COG1: variants seen among roughly 807,000 people sequenced by gnomAD.
COG1 encodes the protein conserved oligomeric Golgi complex subunit 1.
COG1 carries 61 observed loss-of-function variants against 102.2 expected under a neutral mutation model. The observed-to-expected ratio is 0.60, with a 90% CI of 0.49 to 0.74. COG1 has a LOEUF of 0.74. Among genes scored for constraint, COG1 ranks in the 30% least tolerant of loss-of-function variants. The probability of loss-of-function intolerance (pLI) is 0.00; values close to 1 mark genes in which losing one functional copy is unlikely to be tolerated. For missense variants in COG1, 1,164 were observed against 1,232.1 expected (o/e 0.94, Z 0.83); for synonymous variants, 454 against 493.6 (o/e 0.92, Z 1.06).
Position 73,206,837 on chromosome 17 carries a change from T to C in COG1, c.2729+20T>C. The C allele has an allele frequency of 6.3e-7, 1 of 1,575,648 alleles. No individual in the cohort carries two copies. Among genetic ancestry groups the C allele is most frequent in the South Asian group, 1.1e-5 (1 of 90,254 alleles). On this transcript the variant is annotated intron_variant, in intron 12 of 13. Transcript: ENST00000299886. ...GATCAGGTAAAGGCTGCCAAGAGGC[T>C]TCTGCGGGGCACTTCGGGAGGCCAA...
chr17:73,196,889 C>A lies in COG1; in HGVS notation c.561-11C>A. 2 of 1,614,196 alleles carry A rather than the reference C, an allele frequency of 1.2e-6. No individual in the cohort carries two copies. The highest frequency in any genetic ancestry group is 1.7e-6 in the Non-Finnish European group (2 of 1,180,018). Reference sequence around the variant, plus strand: ...AAAACACCCTGGCGACTTCTGTCATCATTTTTCTAGGTCAACTATTCTGCA... The same window carrying A: ...AAAACACCCTGGCGACTTCTGTCATAATTTTTCTAGGTCAACTATTCTGCA... On this transcript the variant is annotated splice_polypyrimidine_tract_variant and intron_variant, in intron 2 of 13. Transcript: ENST00000299886.
At chr17:73,207,968 G>GGTTT in intron 13 of COG1, 1 of 1,240,160 alleles carries the variant, frequency 8.1e-7, no homozygotes, top group Admixed American at 3.6e-5. Context: ...AAACCATCCA[G>GGTTT]TCCCTAAGCA....
chr17:73,199,779 G>T, intron 4 of COG1, 86 bp from the exon 5 acceptor site: 1 of 1,531,548 alleles, frequency 6.5e-7, no homozygotes, highest in Non-Finnish European at 9.0e-7. Context: ...TCACTGTGTT[G>T]CCCAAGCTGG....
intron 5 of COG1, 121 bp from the exon 6 acceptor site, chr17:73,200,445 A>T: frequency 2.1e-6 from 2 of 961,990 alleles, no homozygotes; most frequent in Non-Finnish European, 3.4e-6. Context: ...ACTGAGACAC[A>T]TAGATATTTA....
At chr17:73,197,630 A>C (rs1568295508) in intron 4 of COG1, among the ~76,000 whole-genome samples, 1 of 152,196 alleles carries the variant, frequency 6.6e-6, no homozygotes, top group South Asian at 2.1e-4. Context: ...GGCTTAGTAC[A>C]AGTTGCCTTG....
chr17:73,201,242 C>T lies in COG1; in HGVS notation c.1415C>T (p.Ser472Leu), dbSNP rs372549949. The part of the protein sequence containing the change: ...NKHIHFEYNM[S>L]LFLWSESPND... ...CACATCCACTTTGAGTACAACATGT[C>T]GCTCTTCCTCTGGTCTGAGAGTCCT... is the stretch of plus-strand genomic sequence containing the variant. The change falls in exon 7 of 14, where the codon TCG (serine) becomes TTG (leucine). Residue 472 changes from serine (S) to leucine (L), a missense_variant. Transcript: ENST00000299886. 4.3e-6 allele frequency: 7 copies of T among 1,614,098 alleles called. No individual in the cohort carries two copies. The highest frequency in any genetic ancestry group is 1.7e-5 in the Admixed American group (1 of 60,002).
rs1293828396 is a variant in COG1 at position 73,196,757 on chromosome 17, T to C, written c.560+6T>C. On this transcript the variant is annotated splice_donor_region_variant and intron_variant, in intron 2 of 13. Coordinates refer to ENST00000299886, the MANE Select transcript of COG1 (RefSeq NM_018714.3). ...GCAGCCGCCAGCCACTTCCGGTAAG[T>C]GGATCCAGCGCAAAGAGCTGCTCTG... 1.2e-6 allele frequency: 2 copies of C among 1,614,032 alleles called. No individual in the cohort carries two copies. Among genetic ancestry groups the C allele is most frequent in the Non-Finnish European group, 1.7e-6 (2 of 1,180,036 alleles).
intron 13 of COG1, chr17:73,207,608 GGTT>G: frequency 1.0e-6 from 1 of 990,152 alleles, no homozygotes; most frequent in Non-Finnish European, 1.4e-6. Flanking sequence ...TGGTGATGAT[GGTT>G]TTATCTTCCC....
intron 13 of COG1, chr17:73,207,965 C>T: frequency 1.6e-6 from 2 of 1,236,838 alleles, no homozygotes; most frequent in Non-Finnish European, 2.0e-6. Context: ...CAAAAACCAT[C>T]CAGTCCCTAA....
Position 73,206,711 on chromosome 17 carries a change from C to CTGTT in COG1, c.2626_2629dup (p.Gly877ValfsTer25), listed in dbSNP as rs1568298983. ...TGCTCCACCTCTTGTCTGCCAGGTT[C>CTGTT]TGTTTGGATTGGTGACTGGTACAGA... On this transcript the variant is annotated frameshift_variant, in exon 12 of 14. Transcript: ENST00000299886. LOFTEE classifies it high-confidence loss of function. The CTGTT allele has an allele frequency of 3.2e-6, 5 of 1,583,738 alleles. No homozygotes were observed. The highest frequency in any genetic ancestry group is 3.4e-6 in the Non-Finnish European group (4 of 1,164,060).
At chr17:73,200,446 T>C (rs2061342132) in intron 5 of COG1, 120 bp from the exon 6 acceptor site, 3 of 965,106 alleles carry the variant, frequency 3.1e-6, no homozygotes, top group Non-Finnish European at 3.4e-6. Flanking sequence ...CTGAGACACA[T>C]AGATATTTAT....
chr17:73,208,015 C>G, intron 13 of COG1: 1 of 1,308,998 alleles, frequency 7.6e-7, no homozygotes, highest in South Asian at 1.6e-5. Context: ...ACAGTTTCCA[C>G]TGCAGTGATC....
intron 13 of COG1, chr17:73,207,757 T>C (rs1346354183): frequency 8.5e-6 from 11 of 1,289,850 alleles, no homozygotes; most frequent in African/African-American, 1.5e-5. Context: ...TGAATTGTGC[T>C]GTGTGCATGT....
At chr17:73,200,110 G>A (rs1231544404) in intron 5 of COG1, 89 bp downstream of exon 5, 7 of 1,461,762 alleles carry the variant, frequency 4.8e-6, no homozygotes, top group Non-Finnish European at 6.6e-6. Context: ...CGAGGCATGT[G>A]CAGAAAGCCT....
chr17:73,205,333 A>C, intron 9 of COG1: 1 of 549,680 alleles, frequency 1.8e-6, no homozygotes, highest in Non-Finnish European at 3.3e-6. Context: ...GGCCTTTTTT[A>C]AGGGCCAGGT....
chr17:73,202,334 G>A (rs747214006), intron 7 of COG1, among the ~76,000 whole-genome samples: 5 of 113,274 alleles, frequency 4.4e-5, no homozygotes, highest in East Asian at 3.0e-4. Context: ...GCGAGACTCC[G>A]TCTCAAAAAA....
Position 73,197,390 on chromosome 17 carries a change from C to T in COG1, c.907C>T (p.Pro303Ser), listed in dbSNP as rs750659961. The T allele has an allele frequency of 2.5e-6, 4 of 1,614,136 alleles. No individual in the cohort carries two copies. The highest frequency in any genetic ancestry group is 3.4e-6 in the Non-Finnish European group (4 of 1,180,040). Residue 303 changes from proline (P) to serine (S), a missense_variant, in exon 4 of 14, where the codon CCT becomes TCT. Pro to Ser is a moderately conservative substitution (Grantham distance 74, BLOSUM62 -1). Transcript: ENST00000299886. ...STLETITGQH[P>S]AGKGTGVLQE... Reference sequence around the variant, plus strand: ...TCTGGAGACCATCACAGGCCAGCATCCTGCCGGTGAGCTCTTAGCCAAGCT... The same window carrying T: ...TCTGGAGACCATCACAGGCCAGCATTCTGCCGGTGAGCTCTTAGCCAAGCT...
chr17:73,201,722 T>C lies in COG1; in HGVS notation c.1895T>C (p.Ile632Thr). ...CTGTGCCCCCATCTGAAGCAGTGCA[T>C]CCTGGGAAAATCAGAGAGCTCAGAG... ...GELCPHLKQCILGKSESSEKP... is the reference protein window; with the variant it reads ...GELCPHLKQCTLGKSESSEKP... The change falls in exon 7 of 14, where the codon ATC (isoleucine) becomes ACC (threonine). Residue 632 changes from isoleucine (I) to threonine (T), a missense_variant. By Grantham distance (89) the Ile-to-Thr change is moderately conservative. Coordinates refer to ENST00000299886, the MANE Select transcript of COG1 (RefSeq NM_018714.3). 1 of 1,614,154 alleles carries C rather than the reference T, an allele frequency of 6.2e-7. No homozygotes were observed. The highest frequency in any genetic ancestry group is 8.5e-7 in the Non-Finnish European group (1 of 1,180,032).
Position 73,207,177 on chromosome 17 carries a change from G to T in COG1, c.2730-4G>T. 2 of 1,610,546 alleles carry T rather than the reference G, an allele frequency of 1.2e-6. No individual in the cohort carries two copies. Among genetic ancestry groups the T allele is most frequent in the Non-Finnish European group, 1.7e-6 (2 of 1,178,728 alleles). On this transcript the variant is annotated splice_region_variant and splice_polypyrimidine_tract_variant and intron_variant, in intron 12 of 13. Transcript: ENST00000299886. ...CTACTAAATTCTTTCCTCTTGTTTTGGAGGTTTGGACTTCTCCCACTGAGC... is the reference window on the plus strand; with the variant it reads ...CTACTAAATTCTTTCCTCTTGTTTTTGAGGTTTGGACTTCTCCCACTGAGC...
Sources: allele counts gnomAD v4.1 joint callset (sites outside exome capture counted in the v4.1 genomes callset), GRCh38; gene constraint gnomAD v4.1.1; transcripts MANE v1.5; gene names NCBI Gene and HGNC (gene_info 2026-07-23, HGNC 2026-07-21).